Variants in MEGF11 observed in about 807,000 individuals in gnomAD.
MEGF11 encodes the protein multiple epidermal growth factor-like domains protein 11.
Under a neutral mutation model 146.6 loss-of-function variants are expected in MEGF11, and 126 were observed. The observed-to-expected ratio is 0.86, with a 90% CI of 0.74 to 1.00. The LOEUF is 1.00. MEGF11 is among the 50% of genes least tolerant of loss of function. The pLI, the probability that MEGF11 is intolerant of heterozygous loss-of-function variation, is 0.00. For synonymous variants in MEGF11, 532 were observed against 583.4 expected (o/e 0.91, Z 1.27); for missense variants, 1,509 against 1,521.2 (o/e 0.99, Z 0.13).
intron 5 of MEGF11, among the ~76,000 whole-genome samples, chr15:66,028,074 G>A (rs2083396432): frequency 6.6e-6 from 1 of 152,204 alleles, no homozygotes; most frequent in Non-Finnish European, 1.5e-5. Context: ...AGAGTCCCCT[G>A]TCTCAGCTCC....
At chr15:65,948,791 A>AG (rs2080289091) in intron 10 of MEGF11, among the ~76,000 whole-genome samples, 1 of 152,146 alleles carries the variant, frequency 6.6e-6, no homozygotes, top group African/African-American at 2.4e-5. Flanking sequence ...AAGACCACAT[A>AG]GGAGGTGATA....
chr15:66,151,990 G>C (rs535846473), intron 1 of MEGF11, among the ~76,000 whole-genome samples: 1 of 152,358 alleles, frequency 6.6e-6, no homozygotes, highest in Non-Finnish European at 1.5e-5. Flanking sequence ...GGCAGATGCA[G>C]CAGCACCGCC....
chr15:65,992,390 G>T (rs2082070260), intron 5 of MEGF11, among the ~76,000 whole-genome samples: 1 of 148,678 alleles, frequency 6.7e-6, no homozygotes, highest in Admixed American at 6.7e-5. Flanking sequence ...CGTTCCTCAA[G>T]GGCTGCAGGA....
At chr15:65,957,791 A>C (rs1276649729) in intron 9 of MEGF11, 70 bp from the exon 10 acceptor site, 29 of 1,504,906 alleles carry the variant, frequency 1.9e-5, no homozygotes, top group Non-Finnish European at 2.3e-5. Context: ...CCCTCTGTCT[A>C]CCCCAAGCCT....
chr15:66,008,401 ACGCGCG>A (rs10531573), intron 5 of MEGF11, among the ~76,000 whole-genome samples: 85,121 of 125,114 alleles, frequency 0.68, 25,301 homozygotes, highest in Non-Finnish European at 0.75. Flanking sequence ...ACACATGCAC[ACGCGCG>A]CGCGCACACA....
At chr15:66,115,061 G>A (rs530019680) in intron 4 of MEGF11, among the ~76,000 whole-genome samples, 4 of 152,308 alleles carry the variant, frequency 2.6e-5, no homozygotes, top group East Asian at 3.9e-4. Context: ...AGGCTTTCAC[G>A]CCCGGGCCTG....
intron 4 of MEGF11, among the ~76,000 whole-genome samples, chr15:66,095,444 T>A (rs1168202414): frequency 6.6e-6 from 1 of 152,174 alleles, no homozygotes; most frequent in Admixed American, 6.5e-5. Flanking sequence ...TGGTTTTTTG[T>A]TTTGTTTTGT....
Position 65,927,567 on chromosome 15 carries a change from G to T in MEGF11, c.1675+858C>A, listed in dbSNP as rs73479387. Among the ~76,000 whole-genome samples, 576 of 152,320 alleles carry T rather than the reference G, an allele frequency of 3.8e-3. 4 individuals are homozygous for T. Among genetic ancestry groups the T allele is most frequent in the African/African-American group, 0.013 (560 of 41,564 alleles). ...AAGGGAGTGCTTTTGTCTTGGTCAG[G>T]TTGGGGTGGGTATTGTAGCAGGGGA... On this transcript the variant is annotated intron_variant, in intron 13 of 25. Transcript: ENST00000395614.
intron 5 of MEGF11, among the ~76,000 whole-genome samples, chr15:65,989,774 G>A: frequency 6.6e-6 from 1 of 152,194 alleles, no homozygotes; most frequent in East Asian, 1.9e-4. Context: ...TTTTACATCT[G>A]TAAAACAGGT....
chr15:66,083,385 GTCTC>G (rs1221806844), intron 5 of MEGF11, among the ~76,000 whole-genome samples: 1 of 152,166 alleles, frequency 6.6e-6, no homozygotes, highest in Non-Finnish European at 1.5e-5. Flanking sequence ...AGCTTCGAGA[GTCTC>G]TAGCAAAAGT....
chr15:66,184,508 G>A (rs191910321), intron 1 of MEGF11, among the ~76,000 whole-genome samples: 50 of 151,822 alleles, frequency 3.3e-4, no homozygotes, highest in Non-Finnish European at 6.3e-4. Context: ...TTACAGATCT[G>A]ACCACATCAC....
At chr15:66,222,716 G>A (rs1231257338) in intron 1 of MEGF11, among the ~76,000 whole-genome samples, 1 of 152,160 alleles carries the variant, frequency 6.6e-6, no homozygotes, top group Non-Finnish European at 1.5e-5. Context: ...GTATATAAGT[G>A]ACCAATATGC....
rs2085742467 is a variant in MEGF11 at position 66,079,515 on chromosome 15, C to T, written c.394+14887G>A. ...TTTCCACTCAGCACCCTAACAACCT[C>T]CACCTGGGAACCTTCATTCACACCC... On this transcript the variant is annotated intron_variant, in intron 5 of 25. Coordinates refer to ENST00000395614, the MANE Select transcript of MEGF11 (RefSeq NM_001385028.1). Among the ~76,000 whole-genome samples the T allele has an allele frequency of 3.4e-5, 5 of 148,446 alleles. No individual in the cohort carries two copies. In the South Asian group the frequency reaches 1.1e-3, roughly 32 times the overall value.
chr15:66,137,027 A>C (rs1055209231), intron 1 of MEGF11, among the ~76,000 whole-genome samples: 1 of 152,044 alleles, frequency 6.6e-6, no homozygotes, highest in African/African-American at 2.4e-5. Flanking sequence ...TCTGTCTCCA[A>C]AAAAAAAGAG....
At chr15:66,173,464 C>T (rs778526769) in intron 1 of MEGF11, among the ~76,000 whole-genome samples, 6 of 152,002 alleles carry the variant, frequency 3.9e-5, no homozygotes, top group African/African-American at 7.3e-5. Context: ...TACAGGTGCC[C>T]GCCACCATGC....
intron 15 of MEGF11, among the ~76,000 whole-genome samples, chr15:65,919,921 T>TAAACAAAACAAAACA (rs61245737): frequency 0.068 from 10,381 of 152,054 alleles, 364 homozygotes; most frequent in Non-Finnish European, 0.086. Flanking sequence ...ACTTTTAATT[T>TAAACAAAACAAAACA]AAACAAAACA....
At chr15:66,153,692 C>T (rs926952191) in intron 1 of MEGF11, among the ~76,000 whole-genome samples, 2 of 152,204 alleles carry the variant, frequency 1.3e-5, no homozygotes, top group Admixed American at 1.3e-4. Flanking sequence ...CGCCCAGACA[C>T]AGAGAAGTCA....
Position 65,928,490 on chromosome 15 carries a change from TCA to T in MEGF11, c.1608_1609del (p.Cys536Ter), listed in dbSNP as rs1317956806. Reference sequence around the variant, plus strand: ...GTCACATCCATCAGCATGGCTGCAGTCACAGTGTTCACTGCAGTTCAGCCCAA... The same window carrying T: ...GTCACATCCATCAGCATGGCTGCAGTCAGTGTTCACTGCAGTTCAGCCCAA... On this transcript the variant is annotated stop_gained and frameshift_variant, in exon 13 of 26. Transcript: ENST00000395614. LOFTEE classifies it high-confidence loss of function. 1 of 1,606,670 alleles carries T rather than the reference TCA, an allele frequency of 6.2e-7. No homozygotes were observed. Among genetic ancestry groups the T allele is most frequent in the Admixed American group, 1.7e-5 (1 of 59,314 alleles).
intron 5 of MEGF11, among the ~76,000 whole-genome samples, chr15:66,065,373 C>T (rs1424155367): frequency 6.6e-6 from 1 of 151,994 alleles, no homozygotes; most frequent in Non-Finnish European, 1.5e-5. Flanking sequence ...CAAGTGTCAA[C>T]TCCTGGTAAA....
Sources: allele counts gnomAD v4.1 joint callset (sites outside exome capture counted in the v4.1 genomes callset), GRCh38; gene constraint gnomAD v4.1.1; transcripts MANE v1.5; gene names NCBI Gene and HGNC (gene_info 2026-07-23, HGNC 2026-07-21).